The following CAMTA1 variants were observed in gnomAD, a reference collection of about 807,000 sequenced individuals.
CAMTA1 encodes calmodulin-binding transcription activator 1.
A neutral mutation model predicts 170.9 loss-of-function variants in CAMTA1; 27 were observed. The ratio of observed to expected loss-of-function variants is 0.16; its 90% confidence interval spans 0.12 to 0.22. The LOEUF (loss-of-function observed/expected upper bound fraction) is 0.22. Ranked by LOEUF, CAMTA1 falls within the 10% of genes least tolerant of loss-of-function variation. CAMTA1 has a pLI of 1.00. For synonymous variants in CAMTA1, 833 were observed against 891.5 expected (o/e 0.93, Z 1.17); for missense variants, 1,619 against 2,217.2 (o/e 0.73, Z 5.42).
chr1:6,837,366 G>A (rs1653684517), intron 3 of CAMTA1, among the ~76,000 whole-genome samples: 1 of 152,106 alleles, frequency 6.6e-6, no homozygotes, highest in South Asian at 2.1e-4. Flanking sequence ...GTCCAGAGAG[G>A]CTGGCCAAGG....
chr1:7,734,050 C>T (rs1403760770), intron 12 of CAMTA1, among the ~76,000 whole-genome samples: 1 of 152,122 alleles, frequency 6.6e-6, no homozygotes, highest in Non-Finnish European at 1.5e-5. Context: ...GAGGTTCAAG[C>T]GATTCTCCAG....
intron 1 of CAMTA1, among the ~76,000 whole-genome samples, chr1:6,810,490 T>TC (rs1645033606): frequency 6.6e-6 from 1 of 152,050 alleles, no homozygotes; most frequent in South Asian, 2.1e-4. Flanking sequence ...CAGCCCACAC[T>TC]CCGGGGGAGG....
intron 6 of CAMTA1, among the ~76,000 whole-genome samples, chr1:7,611,548 T>C (rs2095523811): frequency 6.6e-6 from 1 of 152,038 alleles, no homozygotes; most frequent in Admixed American, 6.5e-5. Context: ...CCCGGGTGGG[T>C]GTGAGAGAGC....
intron 5 of CAMTA1, among the ~76,000 whole-genome samples, chr1:7,321,869 G>C (rs1440952800): frequency 6.6e-6 from 1 of 152,038 alleles, no homozygotes; most frequent in African/African-American, 2.4e-5. Flanking sequence ...ATCAGGCCCA[G>C]CACCTCCCCT....
intron 6 of CAMTA1, among the ~76,000 whole-genome samples, chr1:7,558,895 A>C (rs2094919254): frequency 6.6e-6 from 1 of 152,266 alleles, no homozygotes; most frequent in Admixed American, 6.5e-5. Flanking sequence ...TTAATTAAGA[A>C]AAAGACCCAT....
chr1:6,879,637 A>G (rs1008195770), intron 3 of CAMTA1, among the ~76,000 whole-genome samples: 14 of 148,708 alleles, frequency 9.4e-5, no homozygotes, highest in African/African-American at 3.5e-4. Flanking sequence ...TTTTGAGACA[A>G]GGTTCTTGCT....
intron 6 of CAMTA1, among the ~76,000 whole-genome samples, chr1:7,520,670 G>A (rs747014114): frequency 3.3e-5 from 5 of 152,126 alleles, no homozygotes; most frequent in Non-Finnish European, 7.4e-5. Context: ...TGGCTGCAGA[G>A]TTGGGCGGTG....
intron 5 of CAMTA1, among the ~76,000 whole-genome samples, chr1:7,355,850 G>A (rs1218188798): frequency 6.6e-6 from 1 of 151,988 alleles, no homozygotes; most frequent in African/African-American, 2.4e-5. Flanking sequence ...TTGCACATCT[G>A]TTCCCACCCC....
At position 7,486,815 on chromosome 1, in the gene CAMTA1, G is replaced by A. The variant is rs1019121894; in HGVS notation, c.510+18914G>A. On this transcript the variant is annotated intron_variant, in intron 6 of 22. Transcript: ENST00000303635. ...CCTGGAGCTCCATCTCCCCAAGGCA[G>A]GATCTGAGGGAAGGTCCTGCCTCTG... Among the ~76,000 whole-genome samples the A allele has an allele frequency of 3.3e-5, 5 of 152,296 alleles. No individual in the cohort carries two copies. The East Asian group carries it at 9.6e-4, about 29-fold the overall frequency.
chr1:7,138,768 G>A (rs185913577), intron 4 of CAMTA1, among the ~76,000 whole-genome samples: 84 of 152,220 alleles, frequency 5.5e-4, no homozygotes, highest in Non-Finnish European at 1.2e-3. Context: ...ACCAAGGCAG[G>A]CGGATCATTT....
At chr1:7,448,936 T>A (rs541479923) in intron 5 of CAMTA1, among the ~76,000 whole-genome samples, 1 of 152,214 alleles carries the variant, frequency 6.6e-6, no homozygotes, top group African/African-American at 2.4e-5. Context: ...CGATCCAGGC[T>A]GTTTTGCACA....
chr1:6,968,541 C>T (rs1266970397), intron 3 of CAMTA1, among the ~76,000 whole-genome samples: 1 of 152,132 alleles, frequency 6.6e-6, no homozygotes, highest in African/African-American at 2.4e-5. Flanking sequence ...GCATATGGTC[C>T]TTGTCCTCAT....
intron 3 of CAMTA1, among the ~76,000 whole-genome samples, chr1:6,874,685 TA>T (rs1172525973): frequency 3.3e-5 from 5 of 152,348 alleles, no homozygotes; most frequent in African/African-American, 2.4e-5. Context: ...TCTGGGTTTT[TA>T]ATCTCTTAGG....
At chr1:6,930,348 G>A (rs556680818) in intron 3 of CAMTA1, among the ~76,000 whole-genome samples, 10 of 152,254 alleles carry the variant, frequency 6.6e-5, no homozygotes, top group South Asian at 6.2e-4. Flanking sequence ...GGCTGGTGGC[G>A]ACTTTGAGTA....
chr1:7,366,928 G>A (rs529632636), intron 5 of CAMTA1, among the ~76,000 whole-genome samples: 22 of 152,220 alleles, frequency 1.4e-4, no homozygotes, highest in Non-Finnish European at 2.2e-4. Context: ...GGCACCTGGC[G>A]TCTGGTTATG....
At position 7,223,078 on chromosome 1, in the gene CAMTA1, C is replaced by T. The variant is rs932708775; in HGVS notation, c.303-26413C>T. Among the ~76,000 whole-genome samples the T allele has an allele frequency of 5.3e-5, 8 of 152,378 alleles. No homozygotes were observed. In the East Asian group the frequency reaches 1.5e-3, roughly 29 times the overall value. ...CTCTTGTTCCTCTCGCCCTTGCGGG[C>T]CACCCCCTCATACATCTTTCCTTGG... On this transcript the variant is annotated intron_variant, in intron 4 of 22. Coordinates refer to ENST00000303635, the MANE Select transcript of CAMTA1 (RefSeq NM_015215.4).
At chr1:7,206,334 T>C (rs866865325) in intron 4 of CAMTA1, among the ~76,000 whole-genome samples, 71 of 152,338 alleles carry the variant, frequency 4.7e-4, no homozygotes, top group Admixed American at 1.7e-3. Context: ...AGGAATACTT[T>C]TGTGTTATTT....
intron 4 of CAMTA1, among the ~76,000 whole-genome samples, chr1:7,160,037 G>T (rs1421237668): frequency 6.6e-6 from 1 of 152,088 alleles, no homozygotes; most frequent in Non-Finnish European, 1.5e-5. Flanking sequence ...ATCACTTGAG[G>T]CCAGGAGTTT....
intron 3 of CAMTA1, among the ~76,000 whole-genome samples, chr1:7,049,653 C>T (rs917822695): frequency 6.6e-6 from 1 of 152,150 alleles, no homozygotes; most frequent in African/African-American, 2.4e-5. Context: ...GATGAGGTTT[C>T]ATCATGGTGG....
Sources: allele counts gnomAD v4.1 joint callset (sites outside exome capture counted in the v4.1 genomes callset), GRCh38; gene constraint gnomAD v4.1.1; transcripts MANE v1.5; gene names NCBI Gene and HGNC (gene_info 2026-07-23, HGNC 2026-07-21).